Variants in SAPCD1 observed in about 807,000 individuals in gnomAD.
SAPCD1 encodes suppressor APC domain containing 1.
In SAPCD1, 16 loss-of-function variants were observed where a neutral mutation model predicts 20.7. The ratio of observed to expected loss-of-function variants is 0.77; its 90% CI spans 0.52 to 1.17. SAPCD1 has a LOEUF of 1.17. Among genes scored for constraint, SAPCD1 ranks in the 50% most tolerant of loss-of-function variants. The pLI is 0.00. For missense variants in SAPCD1, 173 were observed against 209.9 expected, an observed-to-expected ratio of 0.82 and a Z score of 1.09; for synonymous variants, 77 against 84.8, an observed-to-expected ratio of 0.91 and a Z score of 0.50.
In SAPCD1 at chr6:31,763,281, C is replaced by T; in HGVS notation, c.114+113C>T. ...GTTCCCGCCTGCCTCCCCTTGCCCT[C>T]CAGGTCCTCAGTGGCCAGTCTGGGT... On this transcript the variant is annotated intron_variant, in intron 1 of 4. Coordinates refer to ENST00000415669, the Ensembl canonical transcript of SAPCD1. This position sits in a 1 kb window ranked among gnomAD's most constrained non-coding sequence, Gnocchi z 4.9. The T allele has an allele frequency of 7.6e-7, 1 of 1,322,454 alleles. No individual in the cohort carries two copies. The highest frequency in any genetic ancestry group is 1.1e-6 in the Non-Finnish European group (1 of 935,638). 81.9% of individuals were successfully genotyped at this position (1,322,454 alleles called of 1,614,324 possible). A position where few individuals can be genotyped will look rare whatever the true frequency, so the allele number is the denominator to read the frequency against.
At position 31,763,366 on chromosome 6, in the gene SAPCD1, A is replaced by G. The variant is rs753636669; in HGVS notation, c.115-49A>G. The G allele has an allele frequency of 2.5e-6, 4 of 1,611,486 alleles. No individual in the cohort carries two copies. Among genetic ancestry groups the G allele is most frequent in the Middle Eastern group, 3.3e-4 (2 of 6,058 alleles). The stretch of plus-strand genomic sequence containing the variant: ...GGGTGGAGAGAAAGGGCCATAACCC[A>G]GAGCCCTACTGTGGCGTGAGAGTCA... On this transcript the variant is annotated intron_variant, in intron 1 of 4. Transcript: ENST00000415669. This position sits in a 1 kb window ranked among gnomAD's most constrained non-coding sequence, Gnocchi z 4.9.
Position 31,764,019 on chromosome 6 carries a change from AC to A in SAPCD1, c.256-43del. On this transcript the variant is annotated intron_variant, in intron 2 of 4. Transcript: ENST00000415669. This position sits in a 1 kb window ranked among gnomAD's most constrained non-coding sequence, Gnocchi z 4.7. The stretch of plus-strand genomic sequence containing the variant: ...GGTGACAGGAATAGAGTGGCAGACG[AC>A]CTCAGGTTTTCACCATGTTGTCAGC... 1 of 1,297,942 alleles carries A rather than the reference AC, an allele frequency of 7.7e-7. No individual in the cohort carries two copies. The highest frequency in any genetic ancestry group is 1.1e-6 in the Non-Finnish European group (1 of 892,128). 80.4% of individuals were successfully genotyped at this position (1,297,942 alleles called of 1,614,324 possible).
chr6:31,763,325 C>G lies in SAPCD1; in HGVS notation c.115-90C>G. The G allele has an allele frequency of 1.3e-6, 2 of 1,541,770 alleles. No individual in the cohort carries two copies. The highest frequency in any genetic ancestry group is 1.8e-6 in the Non-Finnish European group (2 of 1,120,614). ...TCTGGGTTCACACTCAGTGACCACA[C>G]AGTGAACCCAACTAGGGGTGGAGAG... is the stretch of plus-strand genomic sequence containing the variant. On this transcript the variant is annotated intron_variant, in intron 1 of 4. Transcript: ENST00000415669. The surrounding 1 kb of genome is among the most constrained non-coding windows in gnomAD (Gnocchi z 4.9).
Position 31,763,139 on chromosome 6 carries a change from G to A in SAPCD1, c.85G>A (p.Asp29Asn). The A allele has an allele frequency of 6.4e-7, 1 of 1,568,192 alleles. No individual in the cohort carries two copies. The highest frequency in any genetic ancestry group is 1.2e-5 in the South Asian group (1 of 84,088). The change falls in exon 1 of 5, where the codon GAC becomes AAC. Residue 29 changes from aspartate (D) to asparagine (N), a missense_variant. Asp to Asn is a conservative substitution (Grantham distance 23). Coordinates refer to ENST00000415669, the Ensembl canonical transcript of SAPCD1. This position sits in a 1 kb window ranked among gnomAD's most constrained non-coding sequence, Gnocchi z 4.9. ...GCTGCCGCTGGGGACAAGCCGCCAA[G>A]ACCCAGGGGCCCAGAGCTTCTTCCT... is the stretch of plus-strand genomic sequence containing the variant.
At position 31,763,249 on chromosome 6, in the gene SAPCD1, C is replaced by T. The variant is rs928608860; in HGVS notation, c.114+81C>T. 12 of 1,185,434 alleles carry T rather than the reference C, an allele frequency of 1.0e-5. No individual in the cohort carries two copies. The highest frequency in any genetic ancestry group is 3.0e-5 in the African/African-American group (2 of 65,624). 73.4% of individuals were successfully genotyped at this position (1,185,434 alleles called of 1,614,324 possible). A position where few individuals can be genotyped will look rare whatever the true frequency, so the allele number is the denominator to read the frequency against. ...TTATATTTCCATTCAACTTGAGGGCCCACAGTGTTCCCGCCTGCCTCCCCT... is the reference window on the plus strand; with the variant it reads ...TTATATTTCCATTCAACTTGAGGGCTCACAGTGTTCCCGCCTGCCTCCCCT... On this transcript the variant is annotated intron_variant, in intron 1 of 4. Transcript: ENST00000415669. This position sits in a 1 kb window ranked among gnomAD's most constrained non-coding sequence, Gnocchi z 4.9.
Position 31,763,711 on chromosome 6 carries a change from G to C in SAPCD1, c.255+156G>C. 1.4e-6 allele frequency: 1 copy of C among 709,258 alleles called. No individual in the cohort carries two copies. The highest frequency in any genetic ancestry group is 2.3e-6 in the Non-Finnish European group (1 of 432,272). 43.9% of individuals were successfully genotyped at this position (709,258 alleles called of 1,614,324 possible). A position where few individuals can be genotyped will look rare whatever the true frequency, so the allele number is the denominator to read the frequency against. ...CATCGTAATGACAGGATGCCACCAA[G>C]TGTTAAGTTGGTGTTCATTGTTGGG... On this transcript the variant is annotated intron_variant, in intron 2 of 4. Coordinates refer to ENST00000415669, the Ensembl canonical transcript of SAPCD1. This position sits in a 1 kb window ranked among gnomAD's most constrained non-coding sequence, Gnocchi z 4.9.
chr6:31,764,133 T>G lies in SAPCD1; in HGVS notation c.325T>G (p.Cys109Gly), dbSNP rs1327452183. ...AGCCCAGATTCAAAAGGTGAACATC[T>G]GTTTGCAGAATCTGATTCATGAGAA... The change falls in exon 3 of 5, where the codon TGT becomes GGT. Residue 109 changes from cysteine to glycine, a missense_variant. Coordinates refer to ENST00000415669, the Ensembl canonical transcript of SAPCD1. The surrounding 1 kb of genome is among the most constrained non-coding windows in gnomAD (Gnocchi z 4.7). 1.9e-6 allele frequency: 3 copies of G among 1,613,866 alleles called. No individual in the cohort carries two copies. The highest frequency in any genetic ancestry group is 2.5e-6 in the Non-Finnish European group (3 of 1,179,724).
In SAPCD1 at chr6:31,763,247, G is replaced by A; in HGVS notation, c.114+79G>A. The A allele has an allele frequency of 8.4e-7, 1 of 1,196,174 alleles. No homozygotes were observed. Among genetic ancestry groups the A allele is most frequent in the Non-Finnish European group, 1.2e-6 (1 of 833,918 alleles). 74.1% of individuals were successfully genotyped at this position (1,196,174 alleles called of 1,614,324 possible). ...CTTTATATTTCCATTCAACTTGAGG[G>A]CCCACAGTGTTCCCGCCTGCCTCCC... On this transcript the variant is annotated intron_variant, in intron 1 of 4. Transcript: ENST00000415669. This position sits in a 1 kb window ranked among gnomAD's most constrained non-coding sequence, Gnocchi z 4.9.
Position 31,764,540 on chromosome 6 carries a change from C to T in SAPCD1, c.*9C>T. On this transcript the variant is annotated 3_prime_UTR_variant, in exon 5 of 5. Coordinates refer to ENST00000415669, the Ensembl canonical transcript of SAPCD1. This position sits in a 1 kb window ranked among gnomAD's most constrained non-coding sequence, Gnocchi z 4.7. Reference sequence around the variant, plus strand: ...GCCCTACCCGTGTCTAAACCCTCCTCTCACTCCCCTAAGCCTGGTGAAAGA... The same window carrying T: ...GCCCTACCCGTGTCTAAACCCTCCTTTCACTCCCCTAAGCCTGGTGAAAGA... The T allele has an allele frequency of 6.3e-7, 1 of 1,596,614 alleles. No individual in the cohort carries two copies. Among genetic ancestry groups the T allele is most frequent in the Non-Finnish European group, 8.6e-7 (1 of 1,165,900 alleles).
Position 31,764,260 on chromosome 6 carries a change from C to T in SAPCD1, c.352-6C>T, listed in dbSNP as rs1352012513. The T allele has an allele frequency of 3.7e-6, 6 of 1,613,708 alleles. No homozygotes were observed. Among genetic ancestry groups the T allele is most frequent in the Non-Finnish European group, 4.2e-6 (5 of 1,179,584 alleles). The stretch of plus-strand genomic sequence containing the variant: ...TAACAGAAAACACAGCGAATTTCCC[C>T]TCCAGTTCTCCCCAAGTCCACTGAA... On this transcript the variant is annotated splice_region_variant and splice_polypyrimidine_tract_variant and intron_variant, in intron 3 of 4. Coordinates refer to ENST00000415669, the Ensembl canonical transcript of SAPCD1. The surrounding 1 kb of genome is among the most constrained non-coding windows in gnomAD (Gnocchi z 4.7).
rs911371840 is a variant in SAPCD1, at chr6:31,763,872, T to G, written c.256-192T>G. The G allele has an allele frequency of 3.3e-6, 2 of 608,472 alleles. No individual in the cohort carries two copies. Among genetic ancestry groups the G allele is most frequent in the African/African-American group, 3.7e-5 (2 of 54,068 alleles). The allele number at this position is 608,472 out of a possible 1,614,324, so 37.7% of individuals were successfully genotyped here. On this transcript the variant is annotated intron_variant, in intron 2 of 4. Coordinates refer to ENST00000415669, the Ensembl canonical transcript of SAPCD1. The surrounding 1 kb of genome is among the most constrained non-coding windows in gnomAD (Gnocchi z 4.9). ...TGAAGAGTAGTGAAAGGGGGTATTG[T>G]GCTATTTGAGGGAGATGGAGGAACT... is the stretch of plus-strand genomic sequence containing the variant.
At chr6:31,762,665 A>T (rs1228490027), upstream of SAPCD1, 2 of 603,730 alleles carry the variant, frequency 3.3e-6, no homozygotes, top group African/African-American at 3.7e-5. Context: ...AATAAAGTTT[A>T]TTTTGAAGAA....
upstream of SAPCD1, chr6:31,762,947 G>A: frequency 4.8e-6 from 3 of 619,594 alleles, no homozygotes; most frequent in Non-Finnish European, 8.6e-6. Context: ...AGCAGGAAGG[G>A]GCCTGAGAGG....
chr6:31,763,923 G>T lies in SAPCD1; in HGVS notation c.256-141G>T. On this transcript the variant is annotated intron_variant, in intron 2 of 4. Transcript: ENST00000415669. This position sits in a 1 kb window ranked among gnomAD's most constrained non-coding sequence, Gnocchi z 4.9. ...GATGTGCTAAAGAGATGGAGGTGGA[G>T]AGTACTGGATTTTCCCACCTGCCTG... The T allele has an allele frequency of 1.5e-6, 1 of 651,134 alleles. No homozygotes were observed. Among genetic ancestry groups the T allele is most frequent in the South Asian group, 1.8e-5 (1 of 56,916 alleles). 40.3% of individuals were successfully genotyped at this position (651,134 alleles called of 1,614,324 possible).
Position 31,764,176 on chromosome 6 carries a change from C to A in SAPCD1, c.351+17C>A. Reference sequence around the variant, plus strand: ...CATGAGAAGGTGAGTTTATTGTTTTCAGTTTAGACTTTTGGGAAGTTGGAC... The same window carrying A: ...CATGAGAAGGTGAGTTTATTGTTTTAAGTTTAGACTTTTGGGAAGTTGGAC... On this transcript the variant is annotated intron_variant, in intron 3 of 4. Transcript: ENST00000415669. The surrounding 1 kb of genome is among the most constrained non-coding windows in gnomAD (Gnocchi z 4.7). 6.2e-7 allele frequency: 1 copy of A among 1,609,636 alleles called. No individual in the cohort carries two copies. Among genetic ancestry groups the A allele is most frequent in the Non-Finnish European group, 8.5e-7 (1 of 1,175,898 alleles).
rs566897913 is a variant in SAPCD1, at chr6:31,764,336, A to C, written c.422A>C (p.Gln141Pro). 1.1e-5 allele frequency: 18 copies of C among 1,614,064 alleles called. No homozygotes were observed. The highest frequency in any genetic ancestry group is 1.4e-5 in the Non-Finnish European group (17 of 1,180,010). Residue 141 changes from glutamine to proline, a missense_variant, in exon 4 of 5, where the codon CAG (glutamine) becomes CCG (proline). Gln to Pro is a moderately conservative substitution (Grantham distance 76). Transcript: ENST00000415669. This position sits in a 1 kb window ranked among gnomAD's most constrained non-coding sequence, Gnocchi z 4.7. ...GATTCAAAGGAAAGACGAAGGGAGCAGAACTTGTGGCAGCAACAGGTAAAC... is the reference window on the plus strand; with the variant it reads ...GATTCAAAGGAAAGACGAAGGGAGCCGAACTTGTGGCAGCAACAGGTAAAC...
chr6:31,764,779 T>C lies in SAPCD1; in HGVS notation c.*248T>C. The stretch of plus-strand genomic sequence containing the variant: ...ATCCCTCTGGGAAGAAGCATGTTTA[T>C]TGAAACTGTCCTTCAGCCTTAAATA... On this transcript the variant is annotated 3_prime_UTR_variant, in exon 5 of 5. Transcript: ENST00000415669. This position sits in a 1 kb window ranked among gnomAD's most constrained non-coding sequence, Gnocchi z 4.7. 2 of 495,204 alleles carry C rather than the reference T, an allele frequency of 4.0e-6. No homozygotes were observed. The highest frequency in any genetic ancestry group is 3.7e-5 in the Admixed American group (1 of 26,910). The allele number at this position is 495,204 out of a possible 1,614,324, so 30.7% of individuals were successfully genotyped here.
Position 31,764,410 on chromosome 6 carries a change from A to G in SAPCD1, c.442-26A>G, listed in dbSNP as rs954167053. 2 of 1,610,946 alleles carry G rather than the reference A, an allele frequency of 1.2e-6. No homozygotes were observed. Among genetic ancestry groups the G allele is most frequent in the Non-Finnish European group, 1.7e-6 (2 of 1,177,030 alleles). ...CACCCTACAGGGCTGGGAGGAGCCC[A>G]GAGGCCCCATCTGTTTCTCCTCCAG... On this transcript the variant is annotated intron_variant, in intron 4 of 4. Coordinates refer to ENST00000415669, the Ensembl canonical transcript of SAPCD1. This position sits in a 1 kb window ranked among gnomAD's most constrained non-coding sequence, Gnocchi z 4.7.
rs769827017 is a variant in SAPCD1 at position 31,764,097 on chromosome 6, C to A, written c.289C>A (p.Arg97Ser). 8 of 1,613,660 alleles carry A rather than the reference C, an allele frequency of 5.0e-6. No homozygotes were observed. In the South Asian group the frequency reaches 8.8e-5, roughly 18 times the overall value. ...AACAGATTTACACTCAGAGCCTGGT[C>A]GCCCCCCGTTAGCCCAGATTCAAAA... The change falls in exon 3 of 5, where the codon CGC becomes AGC. Residue 97 changes from arginine to serine, a missense_variant. Transcript: ENST00000415669. This position sits in a 1 kb window ranked among gnomAD's most constrained non-coding sequence, Gnocchi z 4.7.
Sources: allele counts gnomAD v4.1 joint callset, GRCh38; gene constraint gnomAD v4.1.1; non-coding constraint Gnocchi (gnomAD v3.1); transcripts MANE v1.5; gene names NCBI Gene and HGNC (gene_info 2026-07-23, HGNC 2026-07-21).